ZNF469: variants seen among roughly 807,000 people sequenced by gnomAD.
The protein encoded by ZNF469 is zinc finger protein 469.
ZNF469 carries 1 observed loss-of-function variant against 1.0 expected under a neutral mutation model. The observed-to-expected ratio is 1.00, with a 90% CI of 0.35 to 4.73. The LOEUF (loss-of-function observed/expected upper bound fraction) is 4.73, where lower values mean the gene tolerates loss of function less well. Ranked by LOEUF, ZNF469 falls within the 30% of genes most tolerant of loss-of-function variation. ZNF469 has a pLI of 0.16. For missense variants in ZNF469, 6,100 were observed against 5,356.3 expected (o/e 1.14, Z -4.33); for synonymous variants, 2,703 against 2,363.4 (o/e 1.14, Z -4.17).
chr16:88,367,526 C>T, the ZNF469 span, among the ~76,000 whole-genome samples: 1 of 152,222 alleles, frequency 6.6e-6, no homozygotes, highest in Non-Finnish European at 1.5e-5. Context: ...GACACAGAGA[C>T]AGCTTTGAGG....
the ZNF469 span, among the ~76,000 whole-genome samples, chr16:88,105,445 T>C: frequency 6.8e-3 from 1,036 of 152,098 alleles, 11 homozygotes; most frequent in African/African-American, 0.023. Flanking sequence ...GCTGGGACTA[T>C]AGGCACCTGT....
chr16:88,230,638 C>G, the ZNF469 span, among the ~76,000 whole-genome samples: 1 of 38,424 alleles, frequency 2.6e-5, no homozygotes, highest in East Asian at 6.4e-4. Flanking sequence ...GTGGAACGCA[C>G]CAAGGAGTGG....
At chr16:88,372,934 C>T in the ZNF469 span, among the ~76,000 whole-genome samples, 2 of 151,974 alleles carry the variant, frequency 1.3e-5, no homozygotes, top group South Asian at 4.2e-4. Flanking sequence ...TTACCATCTT[C>T]ACCATCTTTA....
the ZNF469 span, among the ~76,000 whole-genome samples, chr16:88,206,073 G>T: frequency 2.0e-5 from 3 of 152,174 alleles, no homozygotes; most frequent in Non-Finnish European, 4.4e-5. Flanking sequence ...GGTGAGGGAG[G>T]GGGGAGCTGT....
At chr16:88,193,189 G>GTGGTGGGGA in the ZNF469 span, among the ~76,000 whole-genome samples, 2 of 8,422 alleles carry the variant, frequency 2.4e-4, no homozygotes. Context: ...GGTGATGGTG[G>GTGGTGGGGA]TGGTGGTGAT....
chr16:88,263,189 C>G, the ZNF469 span, among the ~76,000 whole-genome samples: 1 of 152,176 alleles, frequency 6.6e-6, no homozygotes, highest in African/African-American at 2.4e-5. Flanking sequence ...CTCAGGTTCC[C>G]GGACGATACT....
At chr16:88,379,167 C>G (rs1002099944), upstream of ZNF469, among the ~76,000 whole-genome samples, 3 of 152,182 alleles carry the variant, frequency 2.0e-5, no homozygotes, top group Admixed American at 6.5e-5. Flanking sequence ...TGACCGTCTA[C>G]TGGGACCCAG....
chr16:88,369,487 A>G, the ZNF469 span, among the ~76,000 whole-genome samples: 1 of 152,196 alleles, frequency 6.6e-6, no homozygotes, highest in Non-Finnish European at 1.5e-5. Flanking sequence ...TGAGGAGAAT[A>G]TGGGAATTGA....
chr16:88,437,237 G>T lies in ZNF469; in HGVS notation c.9767G>T (p.Trp3256Leu). The change falls in exon 3 of 3, where the codon TGG (tryptophan) becomes TTG (leucine). Residue 3256 changes from tryptophan (W) to leucine (L), a missense_variant. Transcript: ENST00000565624. Reference sequence around the variant, plus strand: ...GCCGCCGGGAGCCCGGGAGACCCGTGGGGGCAAGAGGGAGAAGCCAAGAAA... The same window carrying T: ...GCCGCCGGGAGCCCGGGAGACCCGTTGGGGCAAGAGGGAGAAGCCAAGAAA... ...GKAAGSPGDP[W>L]GQEGEAKKDS... 1 of 1,549,116 alleles carries T rather than the reference G, an allele frequency of 6.5e-7. No individual in the cohort carries two copies. The highest frequency in any genetic ancestry group is 8.7e-7 in the Non-Finnish European group (1 of 1,146,330).
intron 1 of ZNF469, among the ~76,000 whole-genome samples, chr16:88,406,180 C>T (rs2142279001): frequency 6.6e-6 from 1 of 152,336 alleles, no homozygotes; most frequent in African/African-American, 2.4e-5. Flanking sequence ...CAGGAAACCG[C>T]CCTTCCGTGG....
the ZNF469 span, among the ~76,000 whole-genome samples, chr16:88,116,950 TGC>T: frequency 3.4e-4 from 19 of 56,710 alleles, no homozygotes; most frequent in Admixed American, 8.0e-4. Flanking sequence ...CTGAAGTGCA[TGC>T]GTGCACACAC....
chr16:88,148,073 G>A, the ZNF469 span, among the ~76,000 whole-genome samples: 1 of 149,972 alleles, frequency 6.7e-6, no homozygotes, highest in East Asian at 2.0e-4. Flanking sequence ...GCAGCCTGCA[G>A]TGGGGCGGCG....
the ZNF469 span, among the ~76,000 whole-genome samples, chr16:88,192,892 G>GAA: frequency 2.1e-5 from 3 of 144,882 alleles, no homozygotes; most frequent in Non-Finnish European, 3.0e-5. Flanking sequence ...GATGGTGGTG[G>GAA]TGATGGTGGT....
chr16:88,307,423 T>C, the ZNF469 span, among the ~76,000 whole-genome samples: 15 of 152,294 alleles, frequency 9.8e-5, no homozygotes, highest in African/African-American at 3.4e-4. Flanking sequence ...GGCCAAACTG[T>C]TTTTCCAAAG....
At chr16:88,176,524 C>T in the ZNF469 span, among the ~76,000 whole-genome samples, 2 of 152,172 alleles carry the variant, frequency 1.3e-5, no homozygotes, top group South Asian at 2.1e-4. Context: ...TCCACTAGGG[C>T]GTTGGATAGC....
chr16:88,249,763 G>A, the ZNF469 span, among the ~76,000 whole-genome samples: 1 of 152,098 alleles, frequency 6.6e-6, no homozygotes, highest in African/African-American at 2.4e-5. Context: ...ATAGAGACAG[G>A]GTCTTGCTAT....
the ZNF469 span, among the ~76,000 whole-genome samples, chr16:88,147,524 T>A: frequency 6.6e-6 from 1 of 151,802 alleles, no homozygotes; most frequent in Non-Finnish European, 1.5e-5. Flanking sequence ...CAGGAGAGAT[T>A]CTGGTCGGTG....
At chr16:88,403,087 G>T (rs1408954660) in intron 1 of ZNF469, among the ~76,000 whole-genome samples, 1 of 152,236 alleles carries the variant, frequency 6.6e-6, no homozygotes, top group South Asian at 2.1e-4. Context: ...ACTTAAGAAG[G>T]AGAGGTGTGG....
At chr16:88,310,904 C>T in the ZNF469 span, among the ~76,000 whole-genome samples, 1 of 152,210 alleles carries the variant, frequency 6.6e-6, no homozygotes, top group South Asian at 2.1e-4. Context: ...GTCCACATCT[C>T]ACCCTCTCAC....
Sources: gnomAD v4.1 joint callset for allele counts (sites outside exome capture counted in the v4.1 genomes callset) on GRCh38, gnomAD v4.1.1 for gene constraint, MANE v1.5 for transcripts, NCBI Gene and HGNC (gene_info 2026-07-23, HGNC 2026-07-21) for gene names.